CTNNA3: variants seen among roughly 807,000 people sequenced by gnomAD.
CTNNA3 encodes catenin alpha-3.
CTNNA3 carries 76 observed loss-of-function variants against 95.7 expected under a neutral mutation model. That is an observed-to-expected ratio of 0.79 (90% CI 0.66 to 0.96). The LOEUF (loss-of-function observed/expected upper bound fraction) is 0.96, where lower values mean the gene tolerates loss of function less well. Ranked by LOEUF, CTNNA3 falls within the 40% of genes least tolerant of loss-of-function variation. The pLI is 0.00. For synonymous variants in CTNNA3, 431 were observed against 374.4 expected (o/e 1.15, Z -1.74); for missense variants, 1,191 against 1,089.8 (o/e 1.09, Z -1.31).
chr10:66,187,954 A>T (rs2086429604), intron 13 of CTNNA3, among the ~76,000 whole-genome samples: 1 of 152,164 alleles, frequency 6.6e-6, no homozygotes, highest in Non-Finnish European at 1.5e-5. Flanking sequence ...CTAAATAAAG[A>T]CTTTAAGCAA....
intron 13 of CTNNA3, among the ~76,000 whole-genome samples, chr10:66,122,051 T>G (rs1589463655): frequency 6.6e-6 from 1 of 152,160 alleles, no homozygotes; most frequent in South Asian, 2.1e-4. Flanking sequence ...GTTATACTTA[T>G]CAGGCAGAGA....
intron 6 of CTNNA3, among the ~76,000 whole-genome samples, chr10:67,194,340 A>G (rs1408801353): frequency 2.0e-5 from 3 of 152,074 alleles, no homozygotes; most frequent in African/African-American, 7.2e-5. Context: ...GTAAATGGAT[A>G]AACTGTGGTA....
chr10:66,989,837 T>C (rs1326859174), intron 7 of CTNNA3, among the ~76,000 whole-genome samples: 2 of 152,140 alleles, frequency 1.3e-5, no homozygotes, highest in Non-Finnish European at 2.9e-5. Context: ...TATTATCCAC[T>C]AGAGTAGATC....
chr10:66,708,097 T>C (rs1421387827), intron 9 of CTNNA3, among the ~76,000 whole-genome samples: 1 of 152,074 alleles, frequency 6.6e-6, no homozygotes, highest in Non-Finnish European at 1.5e-5. Context: ...CCCAAGCATG[T>C]ATTAAAAATA....
intron 7 of CTNNA3, among the ~76,000 whole-genome samples, chr10:66,776,574 C>T (rs1188654983): frequency 6.6e-6 from 1 of 152,104 alleles, no homozygotes; most frequent in Non-Finnish European, 1.5e-5. Flanking sequence ...TACTTTTTTA[C>T]TCTTATGTAC....
At chr10:66,205,474 C>T (rs1219492760) in intron 13 of CTNNA3, among the ~76,000 whole-genome samples, 1 of 151,972 alleles carries the variant, frequency 6.6e-6, no homozygotes, top group Non-Finnish European at 1.5e-5. Context: ...AAGAGAATAC[C>T]TTCAATCATT....
intron 13 of CTNNA3, among the ~76,000 whole-genome samples, chr10:66,268,082 AATG>A (rs147518118): frequency 0.017 from 2,608 of 152,038 alleles, 31 homozygotes; most frequent in Non-Finnish European, 0.026. Context: ...TATTGTTGAA[AATG>A]ATGATGATGA....
intron 10 of CTNNA3, among the ~76,000 whole-genome samples, chr10:66,589,999 G>A (rs1389945917): frequency 6.6e-6 from 1 of 151,966 alleles, no homozygotes; most frequent in Non-Finnish European, 1.5e-5. Flanking sequence ...ATATTGAAAG[G>A]AGTAAGATTT....
At chr10:66,273,713 A>C (rs1416179650) in intron 13 of CTNNA3, among the ~76,000 whole-genome samples, 1 of 152,194 alleles carries the variant, frequency 6.6e-6, no homozygotes. Flanking sequence ...GGGTTCTGGT[A>C]ATTAAACAAC....
intron 12 of CTNNA3, among the ~76,000 whole-genome samples, chr10:66,299,962 G>A (rs1370252651): frequency 5.9e-5 from 9 of 152,104 alleles, no homozygotes; most frequent in South Asian, 2.1e-4. Flanking sequence ...GCATGATCTC[G>A]GTTCACTGCA....
intron 5 of CTNNA3, among the ~76,000 whole-genome samples, chr10:67,501,597 T>G (rs964769706): frequency 2.0e-5 from 3 of 152,162 alleles, no homozygotes; most frequent in African/African-American, 7.2e-5. Flanking sequence ...CTTTCAGATA[T>G]ATCAGTCAAA....
At chr10:66,918,340 CTGA>C (rs1679236220) in intron 7 of CTNNA3, among the ~76,000 whole-genome samples, 1 of 152,164 alleles carries the variant, frequency 6.6e-6, no homozygotes, top group South Asian at 2.1e-4. Flanking sequence ...CCTGAATTCT[CTGA>C]TGGCATAAAT....
intron 10 of CTNNA3, among the ~76,000 whole-genome samples, chr10:66,546,339 T>C (rs1842033669): frequency 6.6e-6 from 1 of 152,184 alleles, no homozygotes; most frequent in South Asian, 2.1e-4. Context: ...CTGAAAAGAA[T>C]ATATTTTCCC....
chr10:66,171,862 A>T (rs919401141), intron 13 of CTNNA3, among the ~76,000 whole-genome samples: 2 of 152,178 alleles, frequency 1.3e-5, no homozygotes, highest in Non-Finnish European at 2.9e-5. Flanking sequence ...GAACAAAAAA[A>T]ATTAAAAAAA....
chr10:67,161,774 T>A (rs989575111), intron 7 of CTNNA3, among the ~76,000 whole-genome samples: 2 of 152,054 alleles, frequency 1.3e-5, no homozygotes, highest in African/African-American at 2.4e-5. Context: ...CTCAACTACA[T>A]GCTATCCTTA....
intron 7 of CTNNA3, among the ~76,000 whole-genome samples, chr10:67,160,930 A>C (rs1861514767): frequency 6.6e-6 from 1 of 152,230 alleles, no homozygotes; most frequent in African/African-American, 2.4e-5. Flanking sequence ...AGCTAGTCAC[A>C]GAAGAACAAA....
At chr10:66,294,416 C>G (rs772186516) in intron 12 of CTNNA3, among the ~76,000 whole-genome samples, 1 of 152,060 alleles carries the variant, frequency 6.6e-6, no homozygotes, top group Non-Finnish European at 1.5e-5. Flanking sequence ...GACAGCAGCA[C>G]TTTTTCATCT....
intron 1 of CTNNA3, among the ~76,000 whole-genome samples, chr10:67,653,474 T>C (rs1839934888): frequency 1.3e-5 from 2 of 152,202 alleles, no homozygotes; most frequent in Non-Finnish European, 2.9e-5. Flanking sequence ...GTTGTTTATG[T>C]TGTTGTTCAA....
At chr10:66,539,711 A>C (rs1020637859) in intron 10 of CTNNA3, among the ~76,000 whole-genome samples, 2 of 152,076 alleles carry the variant, frequency 1.3e-5, no homozygotes, top group African/African-American at 2.4e-5. Flanking sequence ...GACAGGCTTC[A>C]TTCTCCTTTT....
Sources: allele counts gnomAD v4.1 joint callset (sites outside exome capture counted in the v4.1 genomes callset), GRCh38; gene constraint gnomAD v4.1.1; transcripts MANE v1.5; gene names NCBI Gene and HGNC (gene_info 2026-07-23, HGNC 2026-07-21).